TAF11: variants seen among roughly 807,000 people sequenced by gnomAD.
TAF11 encodes TATA-box binding protein associated factor 11.
A neutral mutation model predicts 23.0 loss-of-function variants in TAF11; 10 were observed. That is an observed-to-expected ratio of 0.43 (90% CI 0.27 to 0.74). The LOEUF (loss-of-function observed/expected upper bound fraction) is 0.74. Among genes scored for constraint, TAF11 ranks in the 30% least tolerant of loss-of-function variants. TAF11 has a pLI of 0.19. For synonymous variants in TAF11, 85 were observed against 95.8 expected (o/e 0.89, Z 0.66); for missense variants, 196 against 261.7 (o/e 0.75, Z 1.73).
At chr6:34,879,678 C>G (rs905587693) in intron 4 of TAF11, 9 of 985,242 alleles carry the variant, frequency 9.1e-6, no homozygotes, top group Non-Finnish European at 1.1e-5. Flanking sequence ...TTACTTTTGG[C>G]AGCAGAAATG....
In TAF11 at chr6:34,879,979, C is replaced by T. The variant is rs753467660; in HGVS notation, c.493G>A (p.Val165Met). ...CAACACTACTCACCTTCTTCTACCACCTCCCCGACGAAAACCTTGGAAATA... is the reference window on the plus strand; with the variant it reads ...CAACACTACTCACCTTCTTCTACCATCTCCCCGACGAAAACCTTGGAAATA... ...SGISKVFVGE[V>M]VEEALDVCEK... is the part of the protein sequence containing the mutation. Residue 165 changes from valine to methionine, a missense_variant, in exon 4 of 5, where the codon GTG becomes ATG. Physicochemically the swap from Val to Met is conservative, Grantham distance 21. Coordinates refer to ENST00000361288, the MANE Select transcript of TAF11 (RefSeq NM_005643.4). The T allele has an allele frequency of 3.6e-5, 58 of 1,614,004 alleles. No homozygotes were observed. Among genetic ancestry groups the T allele is most frequent in the Non-Finnish European group, 4.9e-5 (58 of 1,179,934 alleles).
rs1438892462 is a variant in TAF11 at position 34,881,231 on chromosome 6, T to C, written c.321-855A>G. Reference sequence around the variant, plus strand: ...ACTATAGGGATTGGTTAAATTATAGTTCAACAACATAATGGGATACAATGT... The same window carrying C: ...ACTATAGGGATTGGTTAAATTATAGCTCAACAACATAATGGGATACAATGT... On this transcript the variant is annotated intron_variant, in intron 2 of 4. Coordinates refer to ENST00000361288, the MANE Select transcript of TAF11 (RefSeq NM_005643.4). 2.6e-5 allele frequency among the ~76,000 whole-genome samples: 4 copies of C among 152,186 alleles called. No individual in the cohort carries two copies. The East Asian group carries it at 7.7e-4, about 29-fold the overall frequency.
At position 34,888,018 on chromosome 6, in the gene TAF11, C is replaced by T. The variant is rs768879600; in HGVS notation, c.-61G>A. ...GATGCCTGAGGCAGAAGCTCGGAAA[C>T]CCGAGCTGCACAGGCCAGGATCTTA... On this transcript the variant is annotated 5_prime_UTR_variant, in exon 1 of 5. Coordinates refer to ENST00000361288, the MANE Select transcript of TAF11 (RefSeq NM_005643.4). The T allele has an allele frequency of 1.7e-5, 27 of 1,604,804 alleles. No individual in the cohort carries two copies. Among genetic ancestry groups the T allele is most frequent in the Non-Finnish European group, 2.0e-5 (24 of 1,175,610 alleles).
At chr6:34,879,725 T>TTC in intron 4 of TAF11, 1 of 985,368 alleles carries the variant, frequency 1.0e-6, no homozygotes, top group Non-Finnish European at 1.2e-6. Context: ...AGTCTACTTC[T>TTC]TTCACCCTGG....
In TAF11 at chr6:34,880,487, T is replaced by C; in HGVS notation, c.321-111A>G. The C allele has an allele frequency of 1.1e-6, 1 of 920,152 alleles. No individual in the cohort carries two copies. Among genetic ancestry groups the C allele is most frequent in the East Asian group, 2.5e-5 (1 of 39,298 alleles). The allele number at this position is 920,152 out of a possible 1,614,324, so 57.0% of individuals were successfully genotyped here. On this transcript the variant is annotated intron_variant, in intron 2 of 4. Transcript: ENST00000361288. The surrounding 1 kb of genome is among the most constrained non-coding windows in gnomAD (Gnocchi z 4.8). ...AAAAACGAATTCTTAAAGGGGTCAA[T>C]GGCATTAGGCTTGGTGCCTTGAGGA...
chr6:34,882,371 C>T (rs1300573740), intron 2 of TAF11, among the ~76,000 whole-genome samples: 1 of 151,218 alleles, frequency 6.6e-6, no homozygotes, highest in East Asian at 2.0e-4. Context: ...AGGCCGGGCA[C>T]AGTGGCTCAT....
rs755198957 is a variant in TAF11, at chr6:34,883,013, G to T, written c.239C>A (p.Ala80Glu). 10 of 1,611,622 alleles carry T rather than the reference G, an allele frequency of 6.2e-6. No homozygotes were observed. In the East Asian group the frequency reaches 2.2e-4, roughly 36 times the overall value. The change falls in exon 2 of 5, where the codon GCA becomes GAA. Residue 80 changes from alanine to glutamate, a missense_variant. By Grantham distance (107) the Ala-to-Glu change is moderately radical. Coordinates refer to ENST00000361288, the MANE Select transcript of TAF11 (RefSeq NM_005643.4). ...EREDSSLLNP[A>E]AKKLKIDTKE... ...GGTATCTATTTTCAGTTTTTTGGCT[G>T]CAGGATTAAGTAATGATGAGTCTTC...
intron 4 of TAF11, 151 bp from the exon 5 acceptor site, chr6:34,878,871 C>T (rs1002665297): frequency 2.6e-5 from 17 of 666,002 alleles, no homozygotes; most frequent in African/African-American, 1.3e-4. Context: ...ATTAGTATAA[C>T]GTCTCATAAC....
chr6:34,881,822 G>A (rs549894504), intron 2 of TAF11, among the ~76,000 whole-genome samples: 122 of 151,048 alleles, frequency 8.1e-4, no homozygotes, highest in African/African-American at 2.9e-3. Context: ...TCAGCCTCCC[G>A]AGTAGCTGGG....
intron 1 of TAF11, among the ~76,000 whole-genome samples, chr6:34,886,178 G>A (rs986327151): frequency 1.3e-5 from 2 of 151,356 alleles, no homozygotes; most frequent in Non-Finnish European, 2.9e-5. Context: ...GGTGCAGCAT[G>A]CCTGCAGTCC....
intron 1 of TAF11, among the ~76,000 whole-genome samples, chr6:34,885,906 G>A (rs183358500): frequency 6.6e-6 from 1 of 152,312 alleles, no homozygotes; most frequent in African/African-American, 2.4e-5. Flanking sequence ...TGGATCATGA[G>A]GTCAGGAGTT....
In TAF11 at chr6:34,880,616, G is replaced by A. The variant is rs182491289; in HGVS notation, c.321-240C>T. 5.3e-5 allele frequency among the ~76,000 whole-genome samples: 8 copies of A among 152,170 alleles called. No homozygotes were observed. In the East Asian group the frequency reaches 1.2e-3, roughly 22 times the overall value. ...AAGAACAACACTGGGTCACTGTATC[G>A]TACTACACAGACTGTTTGCAGCATT... On this transcript the variant is annotated intron_variant, in intron 2 of 4. Coordinates refer to ENST00000361288, the MANE Select transcript of TAF11 (RefSeq NM_005643.4). The surrounding 1 kb of genome is among the most constrained non-coding windows in gnomAD (Gnocchi z 4.8).
chr6:34,878,668 A>G lies in TAF11; in HGVS notation c.558T>C (p.His186=), dbSNP rs1766360278. The G allele has an allele frequency of 6.2e-7, 1 of 1,614,036 alleles. No homozygotes were observed. Among genetic ancestry groups the G allele is most frequent in the South Asian group, 1.1e-5 (1 of 91,070 alleles). The change falls in exon 5 of 5, where the codon CAT becomes CAC. Residue 186 remains histidine (H), a synonymous_variant. Transcript: ENST00000361288. ...TTAACCTTCTAACGGCTTCCCTCAT[A>G]TGTTTGGGTTGTAGTGGTGGCATTT... ...WGEMPPLQPK[H]MREAVRRLKS...
rs1766352629 is a variant in TAF11 at position 34,878,412 on chromosome 6, A to G, written c.*178T>C. On this transcript the variant is annotated 3_prime_UTR_variant, in exon 5 of 5. Coordinates refer to ENST00000361288, the MANE Select transcript of TAF11 (RefSeq NM_005643.4). ...GTCCCAAAATTTAGTCAAGGCAAGT[A>G]TCAATCAGGCTACATACTTTCTAGG... 9 of 581,568 alleles carry G rather than the reference A, an allele frequency of 1.5e-5. No individual in the cohort carries two copies. The South Asian group carries it at 2.1e-4, about 13-fold the overall frequency. 36.0% of individuals were successfully genotyped at this position (581,568 alleles called of 1,614,324 possible). A position where few individuals can be genotyped will look rare whatever the true frequency, so the allele number is the denominator to read the frequency against.
At chr6:34,884,990 AAAT>A (rs1191882349) in intron 1 of TAF11, among the ~76,000 whole-genome samples, 1 of 108,384 alleles carries the variant, frequency 9.2e-6, no homozygotes. Flanking sequence ...TTTACATTTT[AAAT>A]AATGTTTTAA....
At position 34,880,254 on chromosome 6, in the gene TAF11, C is replaced by T. The variant is rs187158837; in HGVS notation, c.408+35G>A. The T allele has an allele frequency of 1.6e-3, 2,534 of 1,608,600 alleles. 7 individuals carry two copies. The highest frequency in any genetic ancestry group is 1.2e-3 in the Non-Finnish European group (1,414 of 1,175,610). On this transcript the variant is annotated intron_variant, in intron 3 of 4. Transcript: ENST00000361288. The surrounding 1 kb of genome is among the most constrained non-coding windows in gnomAD (Gnocchi z 4.8). Reference sequence around the variant, plus strand: ...ATGGCTCTTGAGTTCAGTTCTAAAACGTGATGGAGATGAAGTGTGGTGGTC... The same window carrying T: ...ATGGCTCTTGAGTTCAGTTCTAAAATGTGATGGAGATGAAGTGTGGTGGTC...
chr6:34,883,771 A>G (rs1421653964), intron 1 of TAF11, among the ~76,000 whole-genome samples: 2 of 152,234 alleles, frequency 1.3e-5, no homozygotes, highest in African/African-American at 4.8e-5. Flanking sequence ...AGGCAAAGAC[A>G]CTTCTCAAAA....
In TAF11 at chr6:34,880,969, T is replaced by TA. The variant is rs529692010; in HGVS notation, c.321-594dup. Among the ~76,000 whole-genome samples the TA allele has an allele frequency of 9.9e-5, 15 of 152,186 alleles. No homozygotes were observed. The East Asian group carries it at 1.7e-3, about 18-fold the overall frequency. ...CATTTTTCATAAATCAGACCACTAT[T>TA]AAAAAAAGAATGGTATTAGAATATG... On this transcript the variant is annotated intron_variant, in intron 2 of 4. Transcript: ENST00000361288. The surrounding 1 kb of genome is among the most constrained non-coding windows in gnomAD (Gnocchi z 4.8).
In TAF11 at chr6:34,880,411, AAGAACG is replaced by A. The variant is rs757769511; in HGVS notation, c.321-41_321-36del. On this transcript the variant is annotated intron_variant, in intron 2 of 4. Transcript: ENST00000361288. This position sits in a 1 kb window ranked among gnomAD's most constrained non-coding sequence, Gnocchi z 4.8. ...GATCCAGGTAACTAAGTTAACTTATAAGAACGAATACTCAAGATATTATGAAGTCAA... is the reference window on the plus strand; with the variant it reads ...GATCCAGGTAACTAAGTTAACTTATAAATACTCAAGATATTATGAAGTCAA... 16 of 1,582,222 alleles carry A rather than the reference AAGAACG, an allele frequency of 1.0e-5. No homozygotes were observed. The South Asian group carries it at 1.6e-4, about 15-fold the overall frequency.
Sources: gnomAD v4.1 joint callset for allele counts (sites outside exome capture counted in the v4.1 genomes callset) on GRCh38, gnomAD v4.1.1 for gene constraint, Gnocchi (gnomAD v3.1) non-coding constraint, MANE v1.5 for transcripts, NCBI Gene and HGNC (gene_info 2026-07-23, HGNC 2026-07-21) for gene names.